CDC42BPA: variants seen among roughly 807,000 people sequenced by gnomAD.
CDC42BPA encodes CDC42 binding protein kinase alpha, also known as serine/threonine-protein kinase MRCK alpha.
Under a neutral mutation model 223.5 loss-of-function variants are expected in CDC42BPA, and 80 were observed. The ratio of observed to expected loss-of-function variants is 0.36; its 90% CI spans 0.30 to 0.43. The LOEUF is 0.43. CDC42BPA is among the 20% of genes least tolerant of loss of function. The pLI is 1.00. For missense variants in CDC42BPA, 1,743 were observed against 2,099.9 expected (o/e 0.83, Z 3.32); for synonymous variants, 694 against 718.6 (o/e 0.97, Z 0.55).
Position 227,283,882 on chromosome 1 carries a change from G to C in CDC42BPA, c.179-29727C>G, listed in dbSNP as rs546223601. Among the ~76,000 whole-genome samples the C allele has an allele frequency of 5.3e-5, 8 of 152,234 alleles. No homozygotes were observed. In the East Asian group the frequency reaches 1.2e-3, roughly 22 times the overall value. On this transcript the variant is annotated intron_variant, in intron 1 of 36. Coordinates refer to ENST00000366766, the MANE Select transcript of CDC42BPA (RefSeq NM_001394014.1). ...GGCCAGGAGTTTGAGATGGGATTTT[G>C]CCATGTTGGCCGGGATTTTGCCCAA...
chr1:227,128,703 T>C (rs1420733778), intron 11 of CDC42BPA, among the ~76,000 whole-genome samples: 2 of 152,194 alleles, frequency 1.3e-5, no homozygotes, highest in African/African-American at 2.4e-5. Flanking sequence ...CCTGTATACA[T>C]GCACTCTGCT....
chr1:227,143,815 C>T (rs747661130), intron 8 of CDC42BPA, among the ~76,000 whole-genome samples: 5 of 152,182 alleles, frequency 3.3e-5, no homozygotes, highest in Non-Finnish European at 7.3e-5. Flanking sequence ...CCCTGTATTT[C>T]CCTCAGAGCA....
intron 2 of CDC42BPA, among the ~76,000 whole-genome samples, chr1:227,218,895 AT>A (rs912726618): frequency 6.6e-6 from 1 of 152,262 alleles, no homozygotes; most frequent in Non-Finnish European, 1.5e-5. Flanking sequence ...CAAAGAGTTT[AT>A]TAAACCAGCT....
chr1:227,261,534 C>G (rs1226915832), intron 1 of CDC42BPA, among the ~76,000 whole-genome samples: 1 of 144,854 alleles, frequency 6.9e-6, no homozygotes, highest in Non-Finnish European at 1.5e-5. Flanking sequence ...CTAAATAAAA[C>G]AAACAACCAT....
chr1:227,109,717 T>A (rs1686591236), intron 14 of CDC42BPA, among the ~76,000 whole-genome samples: 1 of 109,324 alleles, frequency 9.1e-6, no homozygotes, highest in Non-Finnish European at 2.0e-5. Flanking sequence ...GTAAAATTTT[T>A]ATTTGTTTTA....
intron 21 of CDC42BPA, among the ~76,000 whole-genome samples, chr1:227,067,426 T>C (rs1487299378): frequency 6.6e-6 from 1 of 152,200 alleles, no homozygotes; most frequent in Non-Finnish European, 1.5e-5. Flanking sequence ...ATAAAAAGGT[T>C]TTCTAGTGGA....
intron 1 of CDC42BPA, among the ~76,000 whole-genome samples, chr1:227,290,313 C>T (rs1336642891): frequency 6.6e-6 from 1 of 152,164 alleles, no homozygotes. Flanking sequence ...CTACTCCCCA[C>T]ACCAAAGTAA....
chr1:227,286,476 C>A (rs1688824082), intron 1 of CDC42BPA, among the ~76,000 whole-genome samples: 1 of 152,142 alleles, frequency 6.6e-6, no homozygotes, highest in Non-Finnish European at 1.5e-5. Flanking sequence ...GTTGTCCATT[C>A]TTCTATCAGC....
chr1:227,152,222 T>C (rs1661913930), intron 6 of CDC42BPA, among the ~76,000 whole-genome samples: 1 of 152,214 alleles, frequency 6.6e-6, no homozygotes, highest in Non-Finnish European at 1.5e-5. Flanking sequence ...GAAGTTTTAA[T>C]GGAGATATTG....
intron 1 of CDC42BPA, among the ~76,000 whole-genome samples, chr1:227,284,187 G>A (rs1217019544): frequency 6.6e-6 from 1 of 152,054 alleles, no homozygotes; most frequent in African/African-American, 2.4e-5. Flanking sequence ...GGTTTGATGA[G>A]TATTAAATAG....
intron 32 of CDC42BPA, among the ~76,000 whole-genome samples, chr1:227,019,177 G>C (rs1666894696): frequency 6.6e-6 from 1 of 152,022 alleles, no homozygotes; most frequent in African/African-American, 2.4e-5. Context: ...ATGTAATATT[G>C]TAAATATTTT....
intron 14 of CDC42BPA, among the ~76,000 whole-genome samples, chr1:227,101,998 TTCCAAAG>T (rs1388145136): frequency 6.6e-6 from 1 of 152,234 alleles, no homozygotes; most frequent in Non-Finnish European, 1.5e-5. Context: ...CTTTGTAATT[TTCCAAAG>T]GTCATTAATT....
At chr1:227,168,497 G>GTTTTTTGTTTTTTTTTT (rs1665477711) in intron 5 of CDC42BPA, among the ~76,000 whole-genome samples, 3 of 80,196 alleles carry the variant, frequency 3.7e-5, no homozygotes, top group African/African-American at 5.0e-5. Context: ...CTTCCCTGGT[G>GTTTTTTGTTTTTTTTTT]TTTTTTTTTT....
intron 2 of CDC42BPA, among the ~76,000 whole-genome samples, chr1:227,252,271 AAAAG>A (rs1351922911): frequency 1.3e-5 from 2 of 152,086 alleles, no homozygotes; most frequent in Non-Finnish European, 2.9e-5. Context: ...AAGAAAAATA[AAAAG>A]AGAGAGAAAT....
At chr1:227,063,111 C>T (rs1485565065) in intron 21 of CDC42BPA, among the ~76,000 whole-genome samples, 2 of 152,066 alleles carry the variant, frequency 1.3e-5, no homozygotes, top group Non-Finnish European at 1.5e-5. Context: ...AATATTGTTA[C>T]GTTTTCAACT....
At chr1:227,081,138 T>A in intron 16 of CDC42BPA, 121 bp from the exon 17 acceptor site, 1 of 890,622 alleles carries the variant, frequency 1.1e-6, no homozygotes, top group Non-Finnish European at 1.7e-6. Context: ...CTTATTATAA[T>A]AATCCCTTTT....
chr1:227,115,749 C>G (rs1456673399), intron 12 of CDC42BPA, among the ~76,000 whole-genome samples: 1 of 151,878 alleles, frequency 6.6e-6, no homozygotes. Context: ...AGATAAAACT[C>G]CATATATTGA....
At chr1:226,995,514 TG>T (rs1231447761) in intron 35 of CDC42BPA, among the ~76,000 whole-genome samples, 2 of 152,192 alleles carry the variant, frequency 1.3e-5, no homozygotes, top group Non-Finnish European at 2.9e-5. Flanking sequence ...AGAGAGGCCA[TG>T]CCACTCAATG....
chr1:227,126,523 A>AGGAAG (rs1558556516), intron 11 of CDC42BPA, among the ~76,000 whole-genome samples: 1 of 96,510 alleles, frequency 1.0e-5, no homozygotes. Context: ...AAGGAAGGTA[A>AGGAAG]GAAAGGAAAA....
Sources: gnomAD v4.1 joint callset for allele counts (sites outside exome capture counted in the v4.1 genomes callset) on GRCh38, gnomAD v4.1.1 for gene constraint, MANE v1.5 for transcripts, NCBI Gene and HGNC (gene_info 2026-07-23, HGNC 2026-07-21) for gene names.